The following TNR variants were observed in gnomAD, a reference collection of about 807,000 sequenced individuals.
TNR encodes tenascin R, also known as tenascin-R.
A neutral mutation model predicts 150.4 loss-of-function variants in TNR; 45 were observed. The observed-to-expected ratio is 0.30, with a 90% CI of 0.24 to 0.38. The LOEUF (loss-of-function observed/expected upper bound fraction) is 0.38. Ranked by LOEUF, TNR falls within the 10% of genes least tolerant of loss-of-function variation. TNR has a pLI of 1.00. For missense variants in TNR, 1,544 were observed against 1,759.1 expected, an observed-to-expected ratio of 0.88 and a Z score of 2.19; for synonymous variants, 687 against 678.4, an observed-to-expected ratio of 1.01 and a Z score of -0.20.
chr1:175,375,699 G>A (rs1021965075), intron 9 of TNR, among the ~76,000 whole-genome samples: 1 of 152,176 alleles, frequency 6.6e-6, no homozygotes, highest in African/African-American at 2.4e-5. Context: ...AGGTGCCATA[G>A]AGCTTTAAGT....
intron 2 of TNR, among the ~76,000 whole-genome samples, chr1:175,437,179 C>T (rs1655551289): frequency 6.6e-6 from 1 of 152,230 alleles, no homozygotes; most frequent in African/African-American, 2.4e-5. Flanking sequence ...CAAACTGTCT[C>T]TCAGACCACA....
At chr1:175,521,482 C>G (rs859356) in intron 2 of TNR, among the ~76,000 whole-genome samples, 102,576 of 152,110 alleles carry the variant, frequency 0.67, 36,059 homozygotes, top group African/African-American at 0.89. Context: ...CTGCGTAGAT[C>G]ACTGGGACCG....
chr1:175,370,540 C>T (rs2282730), intron 9 of TNR, among the ~76,000 whole-genome samples: 4 of 151,924 alleles, frequency 2.6e-5, no homozygotes, highest in African/African-American at 9.7e-5. Context: ...CCTGGCTGGG[C>T]CAAGTACCTA....
At chr1:175,637,646 T>C (rs1664527322) in intron 1 of TNR, among the ~76,000 whole-genome samples, 1 of 152,230 alleles carries the variant, frequency 6.6e-6, no homozygotes, top group African/African-American at 2.4e-5. Context: ...GATAGGTTCA[T>C]CTTAAGGGGC....
intron 1 of TNR, among the ~76,000 whole-genome samples, chr1:175,582,880 A>G (rs971366413): frequency 1.3e-5 from 2 of 151,974 alleles, no homozygotes; most frequent in South Asian, 2.1e-4. Context: ...GTTCATTATA[A>G]AAGGGTTAGT....
intron 1 of TNR, among the ~76,000 whole-genome samples, chr1:175,610,194 G>C (rs72725466): frequency 2.3e-3 from 350 of 152,304 alleles, no homozygotes; most frequent in Non-Finnish European, 3.7e-3. Flanking sequence ...CTCACACATG[G>C]GAATGTTGAG....
chr1:175,587,208 G>A (rs890471310), intron 1 of TNR, among the ~76,000 whole-genome samples: 4 of 152,192 alleles, frequency 2.6e-5, no homozygotes, highest in Admixed American at 1.3e-4. Flanking sequence ...GTTCATAACA[G>A]TTGCTGGCTT....
intron 1 of TNR, among the ~76,000 whole-genome samples, chr1:175,563,083 C>T (rs1294642117): frequency 6.6e-6 from 1 of 152,202 alleles, no homozygotes; most frequent in Non-Finnish European, 1.5e-5. Flanking sequence ...CTCTTGGGTG[C>T]CCACAAATTT....
chr1:175,372,690 A>T (rs1652162829), intron 9 of TNR, among the ~76,000 whole-genome samples: 1 of 152,216 alleles, frequency 6.6e-6, no homozygotes, highest in South Asian at 2.1e-4. Context: ...AGGAGGCCCA[A>T]GGAACTGAGA....
At chr1:175,466,416 T>A (rs1372054819) in intron 2 of TNR, among the ~76,000 whole-genome samples, 1 of 152,214 alleles carries the variant, frequency 6.6e-6, no homozygotes, top group African/African-American at 2.4e-5. Context: ...TCACTTGGCT[T>A]CTGTCTAAAC....
chr1:175,571,845 C>G (rs546859102), intron 1 of TNR, among the ~76,000 whole-genome samples: 1 of 152,174 alleles, frequency 6.6e-6, no homozygotes, highest in Non-Finnish European at 1.5e-5. Context: ...GAGCATCAGG[C>G]AGAGTAGGGA....
At chr1:175,412,945 T>C (rs1202855046) in intron 2 of TNR, among the ~76,000 whole-genome samples, 1 of 152,262 alleles carries the variant, frequency 6.6e-6, no homozygotes, top group Non-Finnish European at 1.5e-5. Context: ...ACTTCACTTC[T>C]GGCTTTATTC....
chr1:175,543,221 G>T (rs1660569251), intron 1 of TNR, among the ~76,000 whole-genome samples: 2 of 152,152 alleles, frequency 1.3e-5, no homozygotes, highest in South Asian at 2.1e-4. Flanking sequence ...AACTCCCAGG[G>T]GGGAGCAGAA....
chr1:175,328,662 G>T lies in TNR; in HGVS notation c.3793+1412C>A, dbSNP rs561114583. ...TTAGCTGATGATGAACAGCCAAACT[G>T]TTGGCAGGATCTGCCTCTGAGACAT... On this transcript the variant is annotated intron_variant, in intron 21 of 22. Transcript: ENST00000367674. 3.3e-5 allele frequency among the ~76,000 whole-genome samples: 5 copies of T among 152,346 alleles called. No individual in the cohort carries two copies. The East Asian group carries it at 5.8e-4, about 18-fold the overall frequency.
At position 175,350,027 on chromosome 1, in the gene TNR, T is replaced by C. The variant is rs181280394; in HGVS notation, c.3382+4364A>G. 8.5e-5 allele frequency among the ~76,000 whole-genome samples: 13 copies of C among 152,364 alleles called. No homozygotes were observed. In the East Asian group the frequency reaches 2.3e-3, roughly 27 times the overall value. Reference sequence around the variant, plus strand: ...ATAGTGATCATGAGGCTTTCCTTTCTAACTAGAATATCTATCTGATAAGTA... The same window carrying C: ...ATAGTGATCATGAGGCTTTCCTTTCCAACTAGAATATCTATCTGATAAGTA... On this transcript the variant is annotated intron_variant, in intron 18 of 22. Coordinates refer to ENST00000367674, the MANE Select transcript of TNR (RefSeq NM_003285.3).
chr1:175,440,503 T>C (rs1315574362), intron 2 of TNR, among the ~76,000 whole-genome samples: 1 of 150,946 alleles, frequency 6.6e-6, no homozygotes, highest in Non-Finnish European at 1.5e-5. Context: ...GTTGTGCACA[T>C]GTACCCTAAA....
intron 9 of TNR, among the ~76,000 whole-genome samples, chr1:175,378,384 C>A (rs550655981): frequency 6.6e-6 from 1 of 152,100 alleles, no homozygotes; most frequent in African/African-American, 2.4e-5. Context: ...AAATATGGTG[C>A]AATGTTCACA....
chr1:175,427,771 CCTCT>C (rs1655072035), intron 2 of TNR, among the ~76,000 whole-genome samples: 3 of 132,620 alleles, frequency 2.3e-5, no homozygotes, highest in African/African-American at 5.7e-5. Context: ...TCCCTCCTTC[CCTCT>C]TTCTTTCCCT....
intron 1 of TNR, among the ~76,000 whole-genome samples, chr1:175,625,458 T>A (rs756500569): frequency 1.3e-5 from 2 of 152,234 alleles, no homozygotes; most frequent in Non-Finnish European, 2.9e-5. Flanking sequence ...TGTGCTTTTT[T>A]GGCCTGTAGG....
Sources: gnomAD v4.1 joint callset for allele counts (sites outside exome capture counted in the v4.1 genomes callset) on GRCh38, gnomAD v4.1.1 for gene constraint, MANE v1.5 for transcripts, NCBI Gene and HGNC (gene_info 2026-07-23, HGNC 2026-07-21) for gene names.